The following CACNA2D3 variants were observed in gnomAD, a reference collection of about 807,000 sequenced individuals.
CACNA2D3 encodes calcium voltage-gated channel auxiliary subunit alpha2delta 3, also known as voltage-dependent calcium channel subunit alpha-2/delta-3.
In CACNA2D3, 60 loss-of-function variants were observed where a neutral mutation model predicts 160.6. The ratio of observed to expected loss-of-function variants is 0.37; its 90% CI spans 0.30 to 0.46. The LOEUF (loss-of-function observed/expected upper bound fraction) is 0.46, where lower values mean the gene tolerates loss of function less well. Ranked by LOEUF, CACNA2D3 falls within the 20% of genes least tolerant of loss-of-function variation. CACNA2D3 has a pLI of 1.00. For synonymous variants in CACNA2D3, 558 were observed against 492.9 expected, an observed-to-expected ratio of 1.13 and a Z score of -1.75; for missense variants, 1,205 against 1,365.0, an observed-to-expected ratio of 0.88 and a Z score of 1.85.
intron 2 of CACNA2D3, among the ~76,000 whole-genome samples, chr3:54,173,867 G>A (rs981078467): frequency 3.3e-5 from 5 of 152,174 alleles, no homozygotes; most frequent in Non-Finnish European, 5.9e-5. Context: ...CTTATAGAGT[G>A]TCAGCGTGGT....
intron 11 of CACNA2D3, among the ~76,000 whole-genome samples, chr3:54,698,868 A>C (rs149527869): frequency 6.6e-6 from 1 of 152,158 alleles, no homozygotes; most frequent in South Asian, 2.1e-4. Flanking sequence ...CCCAAATGTA[A>C]CCATTTATAG....
rs1001496928 is a variant in CACNA2D3, at chr3:54,288,250, G to A, written c.205-32192G>A. Among the ~76,000 whole-genome samples, 7 of 152,176 alleles carry A rather than the reference G, an allele frequency of 4.6e-5. No individual in the cohort carries two copies. The South Asian group carries it at 8.3e-4, about 18-fold the overall frequency. On this transcript the variant is annotated intron_variant, in intron 2 of 37. Coordinates refer to ENST00000474759, the MANE Select transcript of CACNA2D3 (RefSeq NM_018398.3). ...AAATGATAAGGGGGATATCACCACC[G>A]ATTCCACAGAAATACAAACTACCAT...
chr3:54,619,122 CA>C (rs1709291644), intron 9 of CACNA2D3, among the ~76,000 whole-genome samples: 1 of 152,234 alleles, frequency 6.6e-6, no homozygotes, highest in South Asian at 2.1e-4. Flanking sequence ...GTCCATGCAG[CA>C]CTGGGCTTCA....
chr3:54,624,415 G>T (rs1304676281), intron 9 of CACNA2D3, among the ~76,000 whole-genome samples: 1 of 152,194 alleles, frequency 6.6e-6, no homozygotes, highest in Non-Finnish European at 1.5e-5. Flanking sequence ...GAGGTCAGGA[G>T]ATCGAGACCA....
chr3:54,342,125 A>G (rs1017497716), intron 3 of CACNA2D3, among the ~76,000 whole-genome samples: 1 of 152,200 alleles, frequency 6.6e-6, no homozygotes, highest in Non-Finnish European at 1.5e-5. Flanking sequence ...TATCTATTTA[A>G]TATTTATTTT....
intron 17 of CACNA2D3, among the ~76,000 whole-genome samples, chr3:54,864,532 T>G (rs1699359444): frequency 6.6e-6 from 1 of 152,162 alleles, no homozygotes. Context: ...AGTGCTGGGA[T>G]TACAGGCGCG....
intron 11 of CACNA2D3, among the ~76,000 whole-genome samples, chr3:54,733,644 G>A (rs1701436861): frequency 6.6e-6 from 1 of 152,152 alleles, no homozygotes; most frequent in African/African-American, 2.4e-5. Flanking sequence ...TTAGAGCAGG[G>A]TATTAAATAT....
At chr3:54,991,157 G>C (rs1190435036) in intron 31 of CACNA2D3, among the ~76,000 whole-genome samples, 1 of 151,862 alleles carries the variant, frequency 6.6e-6, no homozygotes. Flanking sequence ...AATAGGACCA[G>C]TTGCACAATT....
At chr3:54,544,071 G>A (rs778322252) in intron 5 of CACNA2D3, among the ~76,000 whole-genome samples, 5 of 152,216 alleles carry the variant, frequency 3.3e-5, no homozygotes, top group Admixed American at 2.6e-4. Flanking sequence ...TAGGCTTTGA[G>A]TTATTCAAGA....
At chr3:54,642,300 T>C in intron 11 of CACNA2D3, 59 bp downstream of exon 11, 1 of 925,476 alleles carries the variant, frequency 1.1e-6, no homozygotes, top group Non-Finnish European at 1.6e-6. Flanking sequence ...TACTGTAATC[T>C]CCAGCTTGTC....
chr3:54,956,866 A>G (rs1701910308), intron 27 of CACNA2D3, among the ~76,000 whole-genome samples: 1 of 151,834 alleles, frequency 6.6e-6, no homozygotes, highest in Non-Finnish European at 1.5e-5. Flanking sequence ...GAACACCGAG[A>G]GCACACTACA....
intron 11 of CACNA2D3, among the ~76,000 whole-genome samples, chr3:54,665,496 G>A (rs1185773517): frequency 6.6e-6 from 1 of 151,644 alleles, no homozygotes; most frequent in South Asian, 2.1e-4. Flanking sequence ...ATTTTATAGT[G>A]TACTTATTTT....
intron 2 of CACNA2D3, among the ~76,000 whole-genome samples, chr3:54,153,827 C>T (rs899461317): frequency 6.6e-6 from 1 of 152,210 alleles, no homozygotes; most frequent in African/African-American, 2.4e-5. Flanking sequence ...TGGGTTGCCA[C>T]TTGCATTCTA....
rs139484268 is a variant in CACNA2D3, at chr3:54,135,663, A to G, written c.204+12069A>G. Among the ~76,000 whole-genome samples the G allele has an allele frequency of 2.3e-3, 346 of 152,312 alleles. 1 individual carries two copies. Among genetic ancestry groups the G allele is most frequent in the African/African-American group, 7.6e-3 (317 of 41,566 alleles). ...TGGGATGTGACTCCTCCTTGGAGCTATGACTTCTGCTACGTAGAGCACTGT... is the reference window on the plus strand; with the variant it reads ...TGGGATGTGACTCCTCCTTGGAGCTGTGACTTCTGCTACGTAGAGCACTGT... On this transcript the variant is annotated intron_variant, in intron 2 of 37. Transcript: ENST00000474759.
At chr3:55,057,215 G>A (rs980198335) in intron 35 of CACNA2D3, among the ~76,000 whole-genome samples, 2 of 152,160 alleles carry the variant, frequency 1.3e-5, no homozygotes, top group East Asian at 1.9e-4. Flanking sequence ...ACGTGGAACC[G>A]TGAGTCAATT....
At chr3:54,502,404 A>C (rs1348124896) in intron 4 of CACNA2D3, among the ~76,000 whole-genome samples, 2 of 152,292 alleles carry the variant, frequency 1.3e-5, no homozygotes, top group East Asian at 3.9e-4. Context: ...TGTTCAGTCT[A>C]CTAATGAACC....
At position 54,256,393 on chromosome 3, in the gene CACNA2D3, A is replaced by C. The variant is rs1262423743; in HGVS notation, c.205-64049A>C. On this transcript the variant is annotated intron_variant, in intron 2 of 37. Transcript: ENST00000474759. ...TGATTTTCAAAATCCAAAAAATTGC[A>C]ACCTTCAGGCATAAATGGGCTAGGG... 4.6e-5 allele frequency among the ~76,000 whole-genome samples: 7 copies of C among 152,168 alleles called. No homozygotes were observed. In the East Asian group the frequency reaches 1.4e-3, roughly 29 times the overall value.
chr3:54,780,546 A>G (rs1702513781), intron 13 of CACNA2D3, among the ~76,000 whole-genome samples: 1 of 152,208 alleles, frequency 6.6e-6, no homozygotes, highest in Non-Finnish European at 1.5e-5. Context: ...TGAACTCCAG[A>G]GAAATTTGAT....
At chr3:54,620,610 A>G (rs1698963102) in intron 9 of CACNA2D3, among the ~76,000 whole-genome samples, 1 of 152,000 alleles carries the variant, frequency 6.6e-6, no homozygotes, top group African/African-American at 2.4e-5. Context: ...TGAAAATGGG[A>G]CTCTGGGCCA....
Sources: allele counts gnomAD v4.1 joint callset (sites outside exome capture counted in the v4.1 genomes callset), GRCh38; gene constraint gnomAD v4.1.1; transcripts MANE v1.5; gene names NCBI Gene and HGNC (gene_info 2026-07-23, HGNC 2026-07-21).